Variants in GPC5 observed in about 807,000 individuals in gnomAD.
GPC5 encodes the protein glypican 5, also known as glypican-5.
Under a neutral mutation model 53.9 loss-of-function variants are expected in GPC5, and 47 were observed. The observed-to-expected ratio is 0.87, with a 90% CI of 0.69 to 1.11. The LOEUF is 1.11. Ranked by LOEUF, GPC5 falls within the 50% of genes most tolerant of loss-of-function variation. The probability of loss-of-function intolerance (pLI) is 0.00; values close to 1 mark genes in which losing one functional copy is unlikely to be tolerated. For synonymous variants in GPC5, 286 were observed against 263.3 expected, an observed-to-expected ratio of 1.09 and a Z score of -0.84; for missense variants, 748 against 713.1, an observed-to-expected ratio of 1.05 and a Z score of -0.56.
intron 7 of GPC5, among the ~76,000 whole-genome samples, chr13:92,539,088 A>G (rs1326922230): frequency 6.8e-6 from 1 of 148,048 alleles, no homozygotes; most frequent in Admixed American, 6.9e-5. Flanking sequence ...CTTTGGGTAT[A>G]TAGTAGAATG....
At chr13:92,286,489 T>C (rs2042955722) in intron 7 of GPC5, among the ~76,000 whole-genome samples, 1 of 152,110 alleles carries the variant, frequency 6.6e-6, no homozygotes, top group Non-Finnish European at 1.5e-5. Context: ...CCAACCCAAA[T>C]GTCCATCAAT....
intron 2 of GPC5, among the ~76,000 whole-genome samples, chr13:91,500,156 A>G (rs1212147857): frequency 6.6e-6 from 1 of 152,198 alleles, no homozygotes; most frequent in African/African-American, 2.4e-5. Context: ...CACCACTGAC[A>G]TATTTTTTAT....
intron 2 of GPC5, among the ~76,000 whole-genome samples, chr13:91,511,918 A>C (rs1885250224): frequency 6.6e-6 from 1 of 152,158 alleles, no homozygotes; most frequent in Non-Finnish European, 1.5e-5. Flanking sequence ...TATAAAAGAA[A>C]CTATATATAA....
chr13:91,594,368 C>G (rs2032914553), intron 2 of GPC5, among the ~76,000 whole-genome samples: 1 of 152,042 alleles, frequency 6.6e-6, no homozygotes. Context: ...ATTTATTGTT[C>G]CATTGATCTT....
intron 5 of GPC5, 35 bp from the exon 6 acceptor site, chr13:91,907,902 G>C: frequency 6.3e-7 from 1 of 1,590,148 alleles, no homozygotes; most frequent in Non-Finnish European, 8.5e-7. Flanking sequence ...CCCTGATCAG[G>C]TACTAAGTCA....
At position 92,099,423 on chromosome 13, in the gene GPC5, G is replaced by A. The variant is rs1444315046; in HGVS notation, c.1402-45407G>A. Among the ~76,000 whole-genome samples, 4 of 151,986 alleles carry A rather than the reference G, an allele frequency of 2.6e-5. No homozygotes were observed. In the South Asian group the frequency reaches 8.3e-4, roughly 32 times the overall value. ...CTCTTTAGTGTCTTTCTTTGCTCTT[G>A]CTGTCCTTGTTTCTGCAATGTTCCT... On this transcript the variant is annotated intron_variant, in intron 6 of 7. Coordinates refer to ENST00000377067, the MANE Select transcript of GPC5 (RefSeq NM_004466.6).
chr13:92,249,110 T>C (rs1295791113), intron 7 of GPC5, among the ~76,000 whole-genome samples: 1 of 152,118 alleles, frequency 6.6e-6, no homozygotes, highest in Non-Finnish European at 1.5e-5. Context: ...TGATATGTAA[T>C]AATCACTTCG....
At chr13:92,111,785 A>G (rs545863448) in intron 6 of GPC5, among the ~76,000 whole-genome samples, 198 of 152,342 alleles carry the variant, frequency 1.3e-3, no homozygotes, top group African/African-American at 4.6e-3. Context: ...TCCACGAAAA[A>G]GGATTATGAA....
At chr13:92,398,096 C>T (rs1444861152) in intron 7 of GPC5, among the ~76,000 whole-genome samples, 1 of 152,016 alleles carries the variant, frequency 6.6e-6, no homozygotes, top group Non-Finnish European at 1.5e-5. Flanking sequence ...TGTTCTACAA[C>T]GTGGCCTGAT....
At chr13:91,828,589 C>T (rs751560973) in intron 5 of GPC5, among the ~76,000 whole-genome samples, 9 of 151,998 alleles carry the variant, frequency 5.9e-5, no homozygotes, top group Non-Finnish European at 1.2e-4. Flanking sequence ...GGTAGGGAAA[C>T]TACAACATCT....
intron 6 of GPC5, among the ~76,000 whole-genome samples, chr13:92,095,184 T>TAC (rs1229606284): frequency 6.6e-6 from 1 of 152,202 alleles, no homozygotes; most frequent in East Asian, 1.9e-4. Context: ...GCAAGGAATA[T>TAC]ACATTCACAG....
At chr13:91,570,311 T>G (rs1206287045) in intron 2 of GPC5, among the ~76,000 whole-genome samples, 2 of 152,164 alleles carry the variant, frequency 1.3e-5, no homozygotes, top group Non-Finnish European at 2.9e-5. Context: ...AAATCCAAAA[T>G]TCTCCTAAAT....
At chr13:91,645,538 G>T (rs1348233213) in intron 2 of GPC5, among the ~76,000 whole-genome samples, 1 of 152,164 alleles carries the variant, frequency 6.6e-6, no homozygotes, top group African/African-American at 2.4e-5. Context: ...TTTGTTACTA[G>T]CTACTTCATG....
intron 2 of GPC5, among the ~76,000 whole-genome samples, chr13:91,554,558 A>G (rs1337370769): frequency 6.6e-6 from 1 of 152,114 alleles, no homozygotes; most frequent in Middle Eastern, 3.2e-3. Context: ...GGACAAACGA[A>G]TCCACAGATC....
intron 7 of GPC5, among the ~76,000 whole-genome samples, chr13:92,803,178 A>G (rs1876971603): frequency 6.6e-6 from 1 of 152,000 alleles, no homozygotes; most frequent in Non-Finnish European, 1.5e-5. Context: ...TACAAATGAT[A>G]TGCTTTTAGA....
At chr13:92,650,395 C>A (rs1307045876) in intron 7 of GPC5, among the ~76,000 whole-genome samples, 1 of 152,094 alleles carries the variant, frequency 6.6e-6, no homozygotes, top group African/African-American at 2.4e-5. Context: ...ATTTCCAGAG[C>A]AAATGGGCTG....
chr13:91,674,969 CT>C (rs908505812), intron 2 of GPC5, among the ~76,000 whole-genome samples: 11 of 151,528 alleles, frequency 7.3e-5, no homozygotes, highest in East Asian at 5.8e-4. Context: ...CCTTATTTCC[CT>C]TTTTTTTCTC....
intron 5 of GPC5, among the ~76,000 whole-genome samples, chr13:91,779,964 G>T (rs2037773112): frequency 6.6e-6 from 1 of 152,164 alleles, no homozygotes; most frequent in Non-Finnish European, 1.5e-5. Flanking sequence ...ACATAAACCG[G>T]TAACATAGCT....
At chr13:91,800,515 C>G (rs1343105662) in intron 5 of GPC5, among the ~76,000 whole-genome samples, 3 of 152,102 alleles carry the variant, frequency 2.0e-5, no homozygotes, top group Admixed American at 6.6e-5. Flanking sequence ...TATTACCCTT[C>G]TTTATTAACT....
Sources: gnomAD v4.1 joint callset for allele counts (sites outside exome capture counted in the v4.1 genomes callset) on GRCh38, gnomAD v4.1.1 for gene constraint, MANE v1.5 for transcripts, NCBI Gene and HGNC (gene_info 2026-07-23, HGNC 2026-07-21) for gene names.